The following STPG2 variants were observed in gnomAD, a reference collection of about 807,000 sequenced individuals.
STPG2 encodes sperm tail PG-rich repeat containing 2.
In STPG2, 56 loss-of-function variants were observed where a neutral mutation model predicts 54.2. The ratio of observed to expected loss-of-function variants is 1.03; its 90% confidence interval spans 0.83 to 1.29. The LOEUF (loss-of-function observed/expected upper bound fraction) is 1.29. Among genes scored for constraint, STPG2 ranks in the 50% most tolerant of loss-of-function variants. STPG2 has a pLI of 0.00. For missense variants in STPG2, 596 were observed against 544.9 expected, an observed-to-expected ratio of 1.09 and a Z score of -0.93; for synonymous variants, 200 against 181.8, an observed-to-expected ratio of 1.10 and a Z score of -0.81.
chr4:97,481,501 T>A (rs1729801821), intron 4 of STPG2, among the ~76,000 whole-genome samples: 1 of 151,572 alleles, frequency 6.6e-6, no homozygotes, highest in Non-Finnish European at 1.5e-5. Flanking sequence ...GTATAAAGAT[T>A]TATTAGGAAT....
rs920807823 is a variant in STPG2, at chr4:97,449,184, T to C, written c.463-261351A>G. Among the ~76,000 whole-genome samples the C allele has an allele frequency of 1.2e-4, 19 of 152,128 alleles. 1 individual carries two copies. The highest frequency in any genetic ancestry group is 1.2e-3 in the Admixed American group (18 of 15,274). On this transcript the variant is annotated intron_variant, in intron 4 of 4. Coordinates refer to the STPG2 transcript ENST00000522676. ...GTAGAGGCAAAAACCTTTGATGAAA[T>C]CTAAAATTTCTTTTAAAAAAAGCAA... is the stretch of plus-strand genomic sequence containing the variant.
chr4:98,065,177 A>G (rs184476393), intron 5 of STPG2, among the ~76,000 whole-genome samples: 27 of 152,342 alleles, frequency 1.8e-4, no homozygotes, highest in Admixed American at 5.2e-4. Context: ...TAAATGCCAG[A>G]TAACACCATT....
intron 4 of STPG2, among the ~76,000 whole-genome samples, chr4:97,452,441 T>C (rs760761332): frequency 6.6e-6 from 1 of 152,082 alleles, no homozygotes; most frequent in Non-Finnish European, 1.5e-5. Context: ...CTGCCAGTCC[T>C]ACAAACTAGA....
intron 10 of STPG2, among the ~76,000 whole-genome samples, chr4:97,574,849 A>G (rs941489808): frequency 1.1e-4 from 17 of 152,020 alleles, no homozygotes; most frequent in Non-Finnish European, 2.4e-4. Flanking sequence ...TATTTTAAGA[A>G]CTCTAAAAAG....
rs1733858264 is a variant in STPG2 at position 97,616,057 on chromosome 4, A to ATATAT, written c.1321-56941_1321-56940insATATA. ...GTCTCAAAAAAAAAAAATACATATA[A>ATATAT]ATATATATATATATATATATATATA... On this transcript the variant is annotated intron_variant, in intron 10 of 10. Transcript: ENST00000295268. Among the ~76,000 whole-genome samples, 59 of 37,394 alleles carry ATATAT rather than the reference A, an allele frequency of 1.6e-3. 5 individuals are homozygous for ATATAT. The highest frequency in any genetic ancestry group is 5.3e-3 in the African/African-American group (59 of 11,058). The allele number at this position is 37,394 out of a possible 152,430, so 24.5% of individuals were successfully genotyped here.
intron 8 of STPG2, among the ~76,000 whole-genome samples, chr4:97,866,423 T>C (rs1729782671): frequency 6.6e-6 from 1 of 152,022 alleles, no homozygotes; most frequent in Non-Finnish European, 1.5e-5. Context: ...AAGAAAATCA[T>C]TTATCCTTAC....
intron 5 of STPG2, among the ~76,000 whole-genome samples, chr4:98,001,980 G>A (rs562767484): frequency 6.6e-6 from 1 of 152,100 alleles, no homozygotes; most frequent in East Asian, 1.9e-4. Context: ...CTTCTACGTG[G>A]ATGACATAAG....
At chr4:97,514,088 G>A (rs1188292140) in intron 4 of STPG2, among the ~76,000 whole-genome samples, 1 of 152,110 alleles carries the variant, frequency 6.6e-6, no homozygotes, top group Non-Finnish European at 1.5e-5. Context: ...ACCACAACAG[G>A]TTTATGCAAG....
At chr4:97,628,637 A>G (rs1721125818) in intron 10 of STPG2, among the ~76,000 whole-genome samples, 1 of 152,118 alleles carries the variant, frequency 6.6e-6, no homozygotes, top group Non-Finnish European at 1.5e-5. Context: ...ATGCTTCTAA[A>G]TATGTATTTA....
At chr4:97,917,150 T>C (rs1731910455) in intron 8 of STPG2, 1 of 152,570 alleles carries the variant, frequency 6.6e-6, no homozygotes, top group Non-Finnish European at 1.5e-5. Flanking sequence ...CCATTCCAGG[T>C]ATGAAGGGAA....
At position 98,056,296 on chromosome 4, in the gene STPG2, A is replaced by G. The variant is rs534077296; in HGVS notation, c.612+49657T>C. 8.8e-4 allele frequency among the ~76,000 whole-genome samples: 134 copies of G among 152,114 alleles called. 1 individual carries two copies. Among genetic ancestry groups the G allele is most frequent in the Middle Eastern group, 3.4e-3 (1 of 294 alleles). ...GCTCTCCAGCCAGTACCCATCCCCA[A>G]GCCAACACCACCTCCAGTGCAACAG... On this transcript the variant is annotated intron_variant, in intron 5 of 10. Transcript: ENST00000295268.
intron 8 of STPG2, among the ~76,000 whole-genome samples, chr4:97,883,430 C>T (rs1730451890): frequency 6.6e-6 from 1 of 151,558 alleles, no homozygotes; most frequent in Non-Finnish European, 1.5e-5. Flanking sequence ...AGAAAGCATT[C>T]AGATACAGTT....
chr4:97,934,533 C>A (rs550060387), intron 8 of STPG2, among the ~76,000 whole-genome samples: 1 of 152,218 alleles, frequency 6.6e-6, no homozygotes, highest in African/African-American at 2.4e-5. Flanking sequence ...GAGATATGTT[C>A]CATCAATACC....
At chr4:97,853,111 G>A (rs541034885) in intron 8 of STPG2, among the ~76,000 whole-genome samples, 20 of 150,782 alleles carry the variant, frequency 1.3e-4, no homozygotes, top group African/African-American at 4.9e-4. Flanking sequence ...TGAGTAGCTG[G>A]GACCACAGGC....
At chr4:98,116,652 T>A (rs891054874) in intron 3 of STPG2, among the ~76,000 whole-genome samples, 3 of 151,906 alleles carry the variant, frequency 2.0e-5, no homozygotes, top group Admixed American at 1.3e-4. Context: ...TTAAATATCT[T>A]AATGAAGATT....
chr4:97,633,601 A>AGTG (rs1216288023), intron 10 of STPG2: 5 of 152,142 alleles, frequency 3.3e-5, no homozygotes, highest in Admixed American at 1.3e-4. Context: ...CTCACTAGGG[A>AGTG]GTGCCAGACA....
chr4:97,947,579 C>G (rs977657020), intron 7 of STPG2, among the ~76,000 whole-genome samples: 1 of 152,072 alleles, frequency 6.6e-6, no homozygotes, highest in South Asian at 2.1e-4. Flanking sequence ...AACTAAGTCC[C>G]TTTTATACCT....
chr4:98,138,587 T>C (rs928712333), intron 1 of STPG2, among the ~76,000 whole-genome samples: 4 of 152,124 alleles, frequency 2.6e-5, no homozygotes, highest in African/African-American at 9.7e-5. Flanking sequence ...AATTAGATCT[T>C]TGAAATATGT....
intron 8 of STPG2, among the ~76,000 whole-genome samples, chr4:97,936,652 G>C (rs1732755868): frequency 6.6e-6 from 1 of 152,162 alleles, no homozygotes; most frequent in Non-Finnish European, 1.5e-5. Flanking sequence ...AGTTTGGCCA[G>C]ATATGAAATT....
Sources: allele counts gnomAD v4.1 joint callset (sites outside exome capture counted in the v4.1 genomes callset), GRCh38; gene constraint gnomAD v4.1.1; transcripts MANE v1.5; gene names NCBI Gene and HGNC (gene_info 2026-07-23, HGNC 2026-07-21).